Variants in WDR70 observed in about 807,000 individuals in gnomAD.
WDR70 encodes WD repeat domain 70.
A neutral mutation model predicts 88.6 loss-of-function variants in WDR70; 53 were observed. That is an observed-to-expected ratio of 0.60 (90% CI 0.48 to 0.75). The LOEUF (loss-of-function observed/expected upper bound fraction) is 0.75, where lower values mean the gene tolerates loss of function less well. WDR70 is among the 30% of genes least tolerant of loss of function. The pLI, the probability that WDR70 is intolerant of heterozygous loss-of-function variation, is 0.00. For missense variants in WDR70, 610 were observed against 823.2 expected, an observed-to-expected ratio of 0.74 and a Z score of 3.17; for synonymous variants, 280 against 270.0, an observed-to-expected ratio of 1.04 and a Z score of -0.36.
intron 9 of WDR70, among the ~76,000 whole-genome samples, chr5:37,540,438 G>A (rs189493177): frequency 1.9e-3 from 284 of 152,290 alleles, no homozygotes; most frequent in Admixed American, 5.4e-3. Flanking sequence ...CTGGAGTGCA[G>A]TGGCACAATC....
At chr5:37,380,089 T>A (rs1748378237) in intron 2 of WDR70, among the ~76,000 whole-genome samples, 1 of 152,160 alleles carries the variant, frequency 6.6e-6, no homozygotes, top group Non-Finnish European at 1.5e-5. Context: ...AAAAAGAAAA[T>A]TATTTAAAAA....
intron 8 of WDR70, among the ~76,000 whole-genome samples, chr5:37,510,650 A>T (rs969788955): frequency 6.6e-6 from 1 of 152,220 alleles, no homozygotes; most frequent in East Asian, 1.9e-4. Flanking sequence ...ATCACATTTC[A>T]CATTCATGTT....
intron 4 of WDR70, among the ~76,000 whole-genome samples, chr5:37,394,460 T>C (rs982737521): frequency 6.6e-6 from 1 of 152,194 alleles, no homozygotes; most frequent in African/African-American, 2.4e-5. Flanking sequence ...CACTGAGATA[T>C]AGCAATTAGC....
At chr5:37,437,806 G>A in intron 5 of WDR70, 116 bp from the exon 6 acceptor site, 1 of 964,114 alleles carries the variant, frequency 1.0e-6, no homozygotes. Context: ...TTTAAGCTTT[G>A]TGTTTAAAAA....
intron 5 of WDR70, among the ~76,000 whole-genome samples, chr5:37,398,289 C>T (rs529884326): frequency 2.6e-5 from 4 of 151,996 alleles, no homozygotes; most frequent in Non-Finnish European, 4.4e-5. Context: ...GAGGTTTCAC[C>T]GTGTTAGCCA....
chr5:37,601,707 T>G (rs1743888913), intron 9 of WDR70, among the ~76,000 whole-genome samples: 1 of 152,168 alleles, frequency 6.6e-6, no homozygotes, highest in Admixed American at 6.5e-5. Context: ...TACTTGTTAT[T>G]GGTCTGGTCA....
chr5:37,401,323 T>A (rs1198906519), intron 5 of WDR70, among the ~76,000 whole-genome samples: 2 of 149,788 alleles, frequency 1.3e-5, no homozygotes, highest in African/African-American at 4.9e-5. Flanking sequence ...TTAATTTTTT[T>A]TTTTTTTTTT....
intron 5 of WDR70, among the ~76,000 whole-genome samples, chr5:37,428,893 A>G (rs891734246): frequency 2.6e-5 from 4 of 152,176 alleles, no homozygotes; most frequent in Non-Finnish European, 2.9e-5. Flanking sequence ...TGCCTCCTCC[A>G]TATCCTTGCC....
chr5:37,526,456 T>G (rs1261402342), intron 9 of WDR70, among the ~76,000 whole-genome samples: 1 of 152,162 alleles, frequency 6.6e-6, no homozygotes, highest in Non-Finnish European at 1.5e-5. Flanking sequence ...AAACTCTCAA[T>G]AAATTAGGTA....
At chr5:37,691,885 A>G (rs1188000013) in intron 10 of WDR70, among the ~76,000 whole-genome samples, 1 of 152,192 alleles carries the variant, frequency 6.6e-6, no homozygotes, top group Non-Finnish European at 1.5e-5. Context: ...TAGAGACACA[A>G]AAAACCCTTC....
At chr5:37,383,067 TTAAAATAAAATAAGA>T (rs1325006608) in intron 3 of WDR70, among the ~76,000 whole-genome samples, 1 of 151,622 alleles carries the variant, frequency 6.6e-6, no homozygotes, top group Non-Finnish European at 1.5e-5. Context: ...AAACTCCATC[TTAAAATAAAATAAGA>T]TAAAATAAAA....
chr5:37,589,091 C>G (rs1165837565), intron 9 of WDR70, among the ~76,000 whole-genome samples: 2 of 151,858 alleles, frequency 1.3e-5, no homozygotes, highest in Non-Finnish European at 2.9e-5. Flanking sequence ...TAGTGTCTTG[C>G]TATATTGTTC....
rs190164911 is a variant in WDR70 at position 37,659,597 on chromosome 5, T to C, written c.1093-38058T>C. On this transcript the variant is annotated intron_variant, in intron 10 of 17. Transcript: ENST00000265107. ...CTCAGGCTGCCATAACAAAATACTT[T>C]AGACTGGGTAGATAACAGATATTTA... 2.8e-4 allele frequency among the ~76,000 whole-genome samples: 43 copies of C among 152,310 alleles called. 1 individual carries two copies. The highest frequency in any genetic ancestry group is 2.6e-3 in the Admixed American group (40 of 15,292).
At chr5:37,610,246 A>ATAGAG (rs1381862232) in intron 10 of WDR70, among the ~76,000 whole-genome samples, 2 of 148,916 alleles carry the variant, frequency 1.3e-5, no homozygotes, top group African/African-American at 5.1e-5. Context: ...AGCCTGGGCG[A>ATAGAG]CAGAGCAAGA....
At chr5:37,659,946 A>G (rs929155025) in intron 10 of WDR70, among the ~76,000 whole-genome samples, 1 of 152,220 alleles carries the variant, frequency 6.6e-6, no homozygotes, top group Non-Finnish European at 1.5e-5. Context: ...AACACCTTCC[A>G]AAAGTTTGAT....
chr5:37,489,218 C>T lies in WDR70; in HGVS notation c.840+9231C>T, dbSNP rs992227467. ...GAATGTCCCTGTTCTTGGGCCCTTGCGCACAGTATATGAGCACTGGTGTTA... is the reference window on the plus strand; with the variant it reads ...GAATGTCCCTGTTCTTGGGCCCTTGTGCACAGTATATGAGCACTGGTGTTA... On this transcript the variant is annotated intron_variant, in intron 8 of 17. Transcript: ENST00000265107. Among the ~76,000 whole-genome samples, 7 of 152,154 alleles carry T rather than the reference C, an allele frequency of 4.6e-5. No individual in the cohort carries two copies. The East Asian group carries it at 9.6e-4, about 21-fold the overall frequency.
At chr5:37,751,340 C>T (rs548782824) in intron 17 of WDR70, among the ~76,000 whole-genome samples, 60 of 152,176 alleles carry the variant, frequency 3.9e-4, no homozygotes, top group Admixed American at 7.9e-4. Flanking sequence ...AAAGTGACAA[C>T]AAGAAGTTTA....
chr5:37,413,155 T>C (rs919540635), intron 5 of WDR70, among the ~76,000 whole-genome samples: 4 of 152,290 alleles, frequency 2.6e-5, no homozygotes, highest in African/African-American at 9.6e-5. Flanking sequence ...ACCCAGTGAC[T>C]ATGTTCCTTA....
At chr5:37,748,319 A>G (rs1429079894) in intron 17 of WDR70, among the ~76,000 whole-genome samples, 2 of 152,152 alleles carry the variant, frequency 1.3e-5, no homozygotes, top group East Asian at 3.9e-4. Flanking sequence ...CACATCTACA[A>G]CCATCTGATC....
Sources: gnomAD v4.1 joint callset for allele counts (sites outside exome capture counted in the v4.1 genomes callset) on GRCh38, gnomAD v4.1.1 for gene constraint, MANE v1.5 for transcripts, NCBI Gene and HGNC (gene_info 2026-07-23, HGNC 2026-07-21) for gene names.